Variants in IL2RB observed in about 807,000 individuals in gnomAD.
The protein encoded by IL2RB is interleukin 2 receptor subunit beta.
IL2RB carries 17 observed loss-of-function variants against 44.2 expected under a neutral mutation model. The observed-to-expected ratio is 0.38, with a 90% CI of 0.26 to 0.58. The LOEUF (loss-of-function observed/expected upper bound fraction) is 0.58. Ranked by LOEUF, IL2RB falls within the 20% of genes least tolerant of loss-of-function variation. IL2RB has a pLI of 0.63. For synonymous variants in IL2RB, 286 were observed against 297.9 expected (o/e 0.96, Z 0.41); for missense variants, 624 against 685.5 (o/e 0.91, Z 1.00).
chr22:37,164,607 C>T (rs2145739243), intron 1 of IL2RB, among the ~76,000 whole-genome samples: 1 of 152,190 alleles, frequency 6.6e-6, no homozygotes, highest in Non-Finnish European at 1.5e-5. Context: ...CCCACTGGGC[C>T]TTCTTCCTGT....
At chr22:37,130,126 A>G (rs1261367344) in intron 9 of IL2RB, among the ~76,000 whole-genome samples, 1 of 152,198 alleles carries the variant, frequency 6.6e-6, no homozygotes, top group Non-Finnish European at 1.5e-5. Context: ...TTATGTCACA[A>G]AAGAAAAGGC....
At chr22:37,144,783 C>A (rs1922146317) in intron 1 of IL2RB, among the ~76,000 whole-genome samples, 1 of 152,140 alleles carries the variant, frequency 6.6e-6, no homozygotes. Context: ...TTACTCACCA[C>A]CCCCCTACAT....
chr22:37,133,724 T>G (rs1320199484), intron 8 of IL2RB, among the ~76,000 whole-genome samples: 1 of 152,196 alleles, frequency 6.6e-6, no homozygotes, highest in Admixed American at 6.5e-5. Context: ...AAACCCTCCA[T>G]GACTGCTCGG....
At chr22:37,174,464 C>CA (rs1923388821) in intron 1 of IL2RB, among the ~76,000 whole-genome samples, 2 of 152,132 alleles carry the variant, frequency 1.3e-5, no homozygotes, top group African/African-American at 2.4e-5. Context: ...ATTGGAGGAC[C>CA]AAAAGCACCA....
upstream of IL2RB, among the ~76,000 whole-genome samples, chr22:37,154,394 A>G (rs1014670511): frequency 6.6e-6 from 1 of 151,746 alleles, no homozygotes; most frequent in Non-Finnish European, 1.5e-5. Flanking sequence ...CATGGCGTGC[A>G]CCCTCCTCCC....
rs1055936289 is a variant in IL2RB at position 37,141,047 on chromosome 22, A to G, written c.282+1387T>C. Among the ~76,000 whole-genome samples the G allele has an allele frequency of 6.6e-5, 10 of 152,178 alleles. No homozygotes were observed. The highest frequency in any genetic ancestry group is 9.7e-5 in the African/African-American group (4 of 41,448). ...AGGCGTAGCTGGGGTCTCCTGCTCC[A>G]CGGAGCAGGTAGGAGCCCTGCCCTC... On this transcript the variant is annotated intron_variant, in intron 4 of 9. Transcript: ENST00000216223. This position sits in a 1 kb window ranked among gnomAD's most constrained non-coding sequence, Gnocchi z 4.4.
At chr22:37,139,325 C>T in intron 4 of IL2RB, 103 bp from the exon 5 acceptor site, 2 of 726,900 alleles carry the variant, frequency 2.8e-6, no homozygotes, top group South Asian at 1.6e-5. Context: ...TCTCCACATG[C>T]CCCGCCACCC....
chr22:37,151,483 T>C (rs1922483852), upstream of IL2RB, among the ~76,000 whole-genome samples: 2 of 152,250 alleles, frequency 1.3e-5, no homozygotes, highest in South Asian at 4.1e-4. Context: ...GTCAGATAGT[T>C]TGCAAATATT....
rs1921130317 is a variant in IL2RB at position 37,126,710 on chromosome 22, C to T, written c.*1386G>A. 6.6e-6 allele frequency: 1 copy of T among 152,246 alleles called. No individual in the cohort carries two copies. The highest frequency in any genetic ancestry group is 2.4e-5 in the African/African-American group (1 of 41,428). 9.4% of individuals were successfully genotyped at this position (152,246 alleles called of 1,614,324 possible). A position where few individuals can be genotyped will look rare whatever the true frequency, so the allele number is the denominator to read the frequency against. ...AGTTAGCTGGGACTGGGGTCACTGT[C>T]CTGCTGGGGTGGAATGTTGTTTGAG... On this transcript the variant is annotated 3_prime_UTR_variant, in exon 10 of 10. Transcript: ENST00000216223.
chr22:37,143,473 A>G, intron 3 of IL2RB, 48 bp downstream of exon 3: 1 of 1,262,178 alleles, frequency 7.9e-7, no homozygotes, highest in Non-Finnish European at 1.2e-6. Flanking sequence ...GATCCAGAAT[A>G]TGAGATCCCA....
chr22:37,138,040 A>G (rs1921794936), intron 5 of IL2RB, among the ~76,000 whole-genome samples: 1 of 152,202 alleles, frequency 6.6e-6, no homozygotes. Flanking sequence ...CTCCCCCAGC[A>G]GACTGTGAGC....
chr22:37,141,325 T>C lies in IL2RB; in HGVS notation c.282+1109A>G, dbSNP rs1340088164. Among the ~76,000 whole-genome samples the C allele has an allele frequency of 6.6e-6, 1 of 152,114 alleles. No individual in the cohort carries two copies. Among genetic ancestry groups the C allele is most frequent in the Non-Finnish European group, 1.5e-5 (1 of 68,000 alleles). On this transcript the variant is annotated intron_variant, in intron 4 of 9. Coordinates refer to ENST00000216223, the MANE Select transcript of IL2RB (RefSeq NM_000878.5). This position sits in a 1 kb window ranked among gnomAD's most constrained non-coding sequence, Gnocchi z 4.4. ...CAGCTGCAGCTACCCAAGTTGTGGC[T>C]GTGGACCCAGGCATCCCTGCACTCT...
intron 1 of IL2RB, among the ~76,000 whole-genome samples, chr22:37,171,766 T>C (rs1923293953): frequency 1.3e-5 from 2 of 152,328 alleles, no homozygotes; most frequent in Non-Finnish European, 2.9e-5. Flanking sequence ...TCAGAAAGTA[T>C]TTATGGGATT....
chr22:37,156,152 C>G (rs551426871), intron 1 of IL2RB, among the ~76,000 whole-genome samples: 3 of 152,312 alleles, frequency 2.0e-5, no homozygotes, highest in Admixed American at 6.5e-5. Flanking sequence ...CACACTGTAG[C>G]CTCCAGCCTC....
chr22:37,170,517 G>A (rs1360750357), intron 1 of IL2RB, among the ~76,000 whole-genome samples: 1 of 152,184 alleles, frequency 6.6e-6, no homozygotes, highest in African/African-American at 2.4e-5. Flanking sequence ...CAGGGGCTGG[G>A]GTAATGACAG....
intron 1 of IL2RB, among the ~76,000 whole-genome samples, chr22:37,174,805 C>G (rs5756536): frequency 6.6e-6 from 1 of 152,068 alleles, no homozygotes; most frequent in African/African-American, 2.4e-5. Flanking sequence ...GATATGACAC[C>G]TGGACCCAGA....
At chr22:37,160,005 T>C (rs940520041) in intron 1 of IL2RB, among the ~76,000 whole-genome samples, 3 of 152,258 alleles carry the variant, frequency 2.0e-5, no homozygotes, top group Admixed American at 6.5e-5. Context: ...TGTGGGCACA[T>C]TGCGAGGGCC....
At chr22:37,142,319 A>G in intron 4 of IL2RB, 115 bp downstream of exon 4, 1 of 947,902 alleles carries the variant, frequency 1.1e-6, no homozygotes, top group South Asian at 1.4e-5. Flanking sequence ...GCTTAGCCAC[A>G]GCCCCAGCCA....
chr22:37,154,575 C>CTTTTTTTTTTT (rs57147928), upstream of IL2RB, among the ~76,000 whole-genome samples: 3 of 141,606 alleles, frequency 2.1e-5, no homozygotes, highest in African/African-American at 5.2e-5. Context: ...CTTTTTTTTT[C>CTTTTTTTTTTT]TTTTTTTTTT....
Sources: gnomAD v4.1 joint callset for allele counts (sites outside exome capture counted in the v4.1 genomes callset) on GRCh38, gnomAD v4.1.1 for gene constraint, Gnocchi (gnomAD v3.1) non-coding constraint, MANE v1.5 for transcripts, NCBI Gene and HGNC (gene_info 2026-07-23, HGNC 2026-07-21) for gene names.